The following DOCK1 variants were observed in gnomAD, a reference collection of about 807,000 sequenced individuals.
DOCK1 encodes dedicator of cytokinesis protein 1.
In DOCK1, 138 loss-of-function variants were observed where a neutral mutation model predicts 262.7. That is an observed-to-expected ratio of 0.53 (90% CI 0.46 to 0.61). The LOEUF is 0.61. Among genes scored for constraint, DOCK1 ranks in the 20% least tolerant of loss-of-function variants. DOCK1 has a pLI of 0.00. For missense variants in DOCK1, 1,908 were observed against 2,370.7 expected (o/e 0.80, Z 4.05); for synonymous variants, 866 against 867.4 (o/e 1.00, Z 0.03).
chr10:127,208,137 C>T lies in DOCK1; in HGVS notation c.2848-39871C>T, dbSNP rs565914358. Among the ~76,000 whole-genome samples the T allele has an allele frequency of 2.6e-5, 4 of 152,300 alleles. No individual in the cohort carries two copies. In the East Asian group the frequency reaches 7.7e-4, roughly 29 times the overall value. ...TATTTGAGTAAGAAACAGTTCCATA[C>T]AAACAATTGGGAATAGTAATGTCTT... On this transcript the variant is annotated intron_variant, in intron 27 of 51. Coordinates refer to ENST00000623213, the MANE Select transcript of DOCK1 (RefSeq NM_001290223.2).
chr10:126,997,520 C>T (rs2040294806), intron 7 of DOCK1, among the ~76,000 whole-genome samples: 1 of 151,852 alleles, frequency 6.6e-6, no homozygotes. Flanking sequence ...ACACGCTACA[C>T]TTTTAAACGA....
rs145596849 is a variant in DOCK1, at chr10:127,010,525, G to A, written c.1059-1707G>A. Among the ~76,000 whole-genome samples the A allele has an allele frequency of 3.2e-3, 492 of 152,288 alleles. 1 individual carries two copies. Among genetic ancestry groups the A allele is most frequent in the Non-Finnish European group, 5.1e-3 (347 of 68,028 alleles). Reference sequence around the variant, plus strand: ...AACATTTAGTTCTTCAGTCACATTGGTCCTGTTTCAAGTGTTCAGCAGCAG... The same window carrying A: ...AACATTTAGTTCTTCAGTCACATTGATCCTGTTTCAAGTGTTCAGCAGCAG... On this transcript the variant is annotated intron_variant, in intron 11 of 51. Coordinates refer to ENST00000623213, the MANE Select transcript of DOCK1 (RefSeq NM_001290223.2).
chr10:126,981,900 T>G lies in DOCK1; in HGVS notation c.172-18T>G. On this transcript the variant is annotated intron_variant, in intron 3 of 51. Transcript: ENST00000623213. ...CCTATTGATAATAAAAGCTACTGTTTTTTTTTTCCTCCCAAAGGGTATATT... is the reference window on the plus strand; with the variant it reads ...CCTATTGATAATAAAAGCTACTGTTGTTTTTTTCCTCCCAAAGGGTATATT... The G allele has an allele frequency of 6.2e-7, 1 of 1,603,242 alleles. No individual in the cohort carries two copies. Among genetic ancestry groups the G allele is most frequent in the South Asian group, 1.1e-5 (1 of 88,146 alleles).
intron 31 of DOCK1, among the ~76,000 whole-genome samples, chr10:127,353,199 G>A (rs1465700809): frequency 2.0e-5 from 3 of 152,134 alleles, no homozygotes; most frequent in African/African-American, 7.2e-5. Context: ...CCACAGTTTT[G>A]CTTTCTGTGT....
intron 22 of DOCK1, 63 bp from the exon 23 acceptor site, chr10:127,061,605 A>G (rs904560306): frequency 2.7e-5 from 38 of 1,384,408 alleles, no homozygotes; most frequent in African/African-American, 5.7e-5. Context: ...GGCTATAGAC[A>G]TGGATTCAAA....
At chr10:127,191,488 A>G in intron 27 of DOCK1, among the ~76,000 whole-genome samples, 1 of 152,204 alleles carries the variant, frequency 6.6e-6, no homozygotes, top group East Asian at 1.9e-4. Flanking sequence ...GGATGCTAAA[A>G]TCACTTACTA....
Position 127,409,301 on chromosome 10 carries a change from C to A in DOCK1, c.4265-12C>A, listed in dbSNP as rs1314649767. 6.2e-7 allele frequency: 1 copy of A among 1,613,756 alleles called. No homozygotes were observed. Among genetic ancestry groups the A allele is most frequent in the African/African-American group, 1.3e-5 (1 of 74,894 alleles). On this transcript the variant is annotated splice_polypyrimidine_tract_variant and intron_variant, in intron 41 of 51. Transcript: ENST00000623213. ...TATGCTGCCTTAGTGATCCTTAACC[C>A]CCTCACCTCAGATATTCAGTGCTTC...
rs889548629 is a variant in DOCK1 at position 127,437,433 on chromosome 10, A to T, written c.5061-1594A>T. On this transcript the variant is annotated intron_variant, in intron 48 of 51. Coordinates refer to ENST00000623213, the MANE Select transcript of DOCK1 (RefSeq NM_001290223.2). This position sits in a 1 kb window ranked among gnomAD's most constrained non-coding sequence, Gnocchi z 4.4. ...TGGGACACACAACATGGAAATAATC[A>T]ACAGTGAGCAAATCAATGGGGAGCA... 2.9e-4 allele frequency among the ~76,000 whole-genome samples: 44 copies of T among 151,818 alleles called. No individual in the cohort carries two copies. The highest frequency in any genetic ancestry group is 1.4e-3 in the Admixed American group (22 of 15,244).
At position 127,275,957 on chromosome 10, in the gene DOCK1, C is replaced by A. The variant is rs558915804; in HGVS notation, c.3044+18528C>A. ...ATGCCCACGCATGGCGTACAGGCCG[C>A]GTTGGAGATCCCTGCGGCTCATGCT... On this transcript the variant is annotated intron_variant, in intron 29 of 51. Transcript: ENST00000623213. Among the ~76,000 whole-genome samples, 5 of 152,370 alleles carry A rather than the reference C, an allele frequency of 3.3e-5. No homozygotes were observed. In the East Asian group the frequency reaches 9.6e-4, roughly 29 times the overall value.
intron 23 of DOCK1, among the ~76,000 whole-genome samples, chr10:127,093,704 G>A (rs1430167699): frequency 6.6e-6 from 1 of 151,490 alleles, no homozygotes; most frequent in Non-Finnish European, 1.5e-5. Context: ...AGGGCCCACT[G>A]TAATTCTAAT....
chr10:126,998,332 C>T, intron 8 of DOCK1, 83 bp downstream of exon 8: 2 of 1,563,816 alleles, frequency 1.3e-6, no homozygotes. Flanking sequence ...GCGTCCCATT[C>T]ATGCTGAGAG....
At chr10:127,401,035 A>G (rs1296603750) in intron 38 of DOCK1, among the ~76,000 whole-genome samples, 1 of 152,040 alleles carries the variant, frequency 6.6e-6, no homozygotes, top group Non-Finnish European at 1.5e-5. Context: ...GGTTTTTTGC[A>G]TGTCTGACAC....
At position 127,261,270 on chromosome 10, in the gene DOCK1, T is replaced by G. The variant is rs533780647; in HGVS notation, c.3044+3841T>G. On this transcript the variant is annotated intron_variant, in intron 29 of 51. Coordinates refer to ENST00000623213, the MANE Select transcript of DOCK1 (RefSeq NM_001290223.2). ...GCATGTGTGTGCATGTGGGTGTGTG[T>G]GTGTGCCTGCATGTGTGTGCATGTG... Among the ~76,000 whole-genome samples, 117 of 136,966 alleles carry G rather than the reference T, an allele frequency of 8.5e-4. 2 individuals carry two copies. The highest frequency in any genetic ancestry group is 1.6e-3 in the Non-Finnish European group (105 of 64,746). 89.9% of individuals were successfully genotyped at this position (136,966 alleles called of 152,430 possible). A position where few individuals can be genotyped will look rare whatever the true frequency, so the allele number is the denominator to read the frequency against.
At chr10:127,006,813 CAT>C (rs1347889688) in intron 10 of DOCK1, among the ~76,000 whole-genome samples, 1 of 152,088 alleles carries the variant, frequency 6.6e-6, no homozygotes, top group Non-Finnish European at 1.5e-5. Context: ...AGATGAGTCC[CAT>C]GGCAGAGCAG....
chr10:127,276,015 C>T (rs1055643406), intron 29 of DOCK1, among the ~76,000 whole-genome samples: 1 of 152,228 alleles, frequency 6.6e-6, no homozygotes, highest in Non-Finnish European at 1.5e-5. Flanking sequence ...AGAGGCCTCA[C>T]AAGTAGAAGA....
At chr10:127,219,281 T>G (rs964147749) in intron 27 of DOCK1, among the ~76,000 whole-genome samples, 2 of 152,200 alleles carry the variant, frequency 1.3e-5, no homozygotes, top group African/African-American at 4.8e-5. Context: ...CTTTGCCATC[T>G]TATCAAAGCA....
At chr10:127,261,900 GCA>G (rs1193120166) in intron 29 of DOCK1, among the ~76,000 whole-genome samples, 1 of 129,220 alleles carries the variant, frequency 7.7e-6, no homozygotes, top group Non-Finnish European at 1.6e-5. Flanking sequence ...CTGTGTGTGT[GCA>G]TGTGTGTGTG....
chr10:127,414,171 CA>C (rs2068024845), intron 43 of DOCK1, among the ~76,000 whole-genome samples: 1 of 152,194 alleles, frequency 6.6e-6, no homozygotes. Flanking sequence ...CCTGGCCTCC[CA>C]AAGTGCTGGG....
At chr10:127,160,530 T>G (rs1235488872) in intron 27 of DOCK1, among the ~76,000 whole-genome samples, 1 of 152,194 alleles carries the variant, frequency 6.6e-6, no homozygotes, top group Non-Finnish European at 1.5e-5. Context: ...TTTAAATGCC[T>G]TGTTAATTTT....
Sources: allele counts gnomAD v4.1 joint callset (sites outside exome capture counted in the v4.1 genomes callset), GRCh38; gene constraint gnomAD v4.1.1; non-coding constraint Gnocchi (gnomAD v3.1); transcripts MANE v1.5; gene names NCBI Gene and HGNC (gene_info 2026-07-23, HGNC 2026-07-21).